Variants in MAP3K14 observed in about 807,000 individuals in gnomAD.
MAP3K14 encodes NF-kappa-beta-inducing kinase.
In MAP3K14, 16 loss-of-function variants were observed where a neutral mutation model predicts 99.2. The observed-to-expected ratio is 0.16, with a 90% CI of 0.11 to 0.24. The LOEUF is 0.24. Among genes scored for constraint, MAP3K14 ranks in the 10% least tolerant of loss-of-function variants. The probability of loss-of-function intolerance (pLI) is 1.00; values close to 1 mark genes in which losing one functional copy is unlikely to be tolerated. For missense variants in MAP3K14, 784 were observed against 1,208.7 expected, an observed-to-expected ratio of 0.65 and a Z score of 5.21; for synonymous variants, 462 against 492.4, an observed-to-expected ratio of 0.94 and a Z score of 0.82.
intron 14 of MAP3K14, among the ~76,000 whole-genome samples, chr17:45,265,645 C>T (rs922797762): frequency 1.3e-5 from 2 of 152,252 alleles, no homozygotes; most frequent in East Asian, 3.9e-4. Flanking sequence ...ACCATGTTGG[C>T]CAGGCTGGTC....
intron 1 of MAP3K14, among the ~76,000 whole-genome samples, chr17:45,295,250 G>A (rs913873594): frequency 2.0e-5 from 3 of 151,540 alleles, no homozygotes; most frequent in Admixed American, 6.6e-5. Flanking sequence ...AAGAGCAGTG[G>A]GACCATTTTT....
intron 15 of MAP3K14, 63 bp from the exon 16 acceptor site, chr17:45,264,863 TAA>T: frequency 6.5e-7 from 1 of 1,539,152 alleles, no homozygotes; most frequent in Non-Finnish European, 8.8e-7. Flanking sequence ...TGTAGAAAGG[TAA>T]AGACATCTCC....
chr17:45,299,456 G>A (rs1334227968), intron 1 of MAP3K14, among the ~76,000 whole-genome samples: 1 of 152,126 alleles, frequency 6.6e-6, no homozygotes, highest in Non-Finnish European at 1.5e-5. Context: ...ACCCTGGCCT[G>A]GGCTAACAAT....
chr17:45,273,766 G>C, intron 8 of MAP3K14, 159 bp from the exon 9 acceptor site: 1 of 702,174 alleles, frequency 1.4e-6, no homozygotes, highest in Non-Finnish European at 2.6e-6. Flanking sequence ...TGGAGGAAGG[G>C]AGGAGGGTAT....
chr17:45,265,722 GCCA>G (rs1158257016), intron 14 of MAP3K14, among the ~76,000 whole-genome samples: 1 of 152,068 alleles, frequency 6.6e-6, no homozygotes, highest in African/African-American at 2.4e-5. Flanking sequence ...ACAGGTGTGG[GCCA>G]CCACACCTGG....
intron 1 of MAP3K14, among the ~76,000 whole-genome samples, chr17:45,309,264 G>A (rs1039049713): frequency 6.6e-6 from 1 of 152,228 alleles, no homozygotes; most frequent in Non-Finnish European, 1.5e-5. Flanking sequence ...AAATACCAAG[G>A]TGTTCCCACC....
At chr17:45,299,849 G>A (rs936474226) in intron 1 of MAP3K14, among the ~76,000 whole-genome samples, 4 of 152,150 alleles carry the variant, frequency 2.6e-5, no homozygotes, top group Admixed American at 2.6e-4. Flanking sequence ...CAGCACTTTC[G>A]GAGGCCGAGG....
intron 6 of MAP3K14, among the ~76,000 whole-genome samples, chr17:45,275,988 C>A (rs1306819182): frequency 6.6e-6 from 1 of 152,066 alleles, no homozygotes; most frequent in African/African-American, 2.4e-5. Flanking sequence ...GTCTCAAACT[C>A]CTAACCTTGT....
At chr17:45,276,083 G>T (rs1168479602) in intron 6 of MAP3K14, among the ~76,000 whole-genome samples, 1 of 151,892 alleles carries the variant, frequency 6.6e-6, no homozygotes, top group African/African-American at 2.4e-5. Flanking sequence ...TTTCCCGGAG[G>T]ACTAAAACAT....
intron 11 of MAP3K14, chr17:45,268,202 C>T (rs909181869): frequency 1.9e-5 from 3 of 161,760 alleles, no homozygotes; most frequent in African/African-American, 7.2e-5. Flanking sequence ...TGGCATGGGG[C>T]TAGTTCAGCC....
In MAP3K14 at chr17:45,272,661, C is replaced by T. The variant is rs1046612504; in HGVS notation, c.1657+842G>A. Among the ~76,000 whole-genome samples the T allele has an allele frequency of 2.0e-5, 3 of 152,084 alleles. No individual in the cohort carries two copies. Among genetic ancestry groups the T allele is most frequent in the East Asian group, 1.9e-4 (1 of 5,178 alleles). On this transcript the variant is annotated intron_variant, in intron 9 of 15. Transcript: ENST00000344686. The surrounding 1 kb of genome is among the most constrained non-coding windows in gnomAD (Gnocchi z 4.1). ...TTATTTAAAATATTCATGATTCGGC[C>T]GGGCACGGAGGCTCATGCCTGTAAT...
At chr17:45,312,941 C>G (rs1259323117) in intron 1 of MAP3K14, among the ~76,000 whole-genome samples, 1 of 152,192 alleles carries the variant, frequency 6.6e-6, no homozygotes, top group Non-Finnish European at 1.5e-5. Flanking sequence ...TCCCTTTCCT[C>G]ACCTCCAGGA....
At chr17:45,315,618 C>A (rs768001608) in intron 1 of MAP3K14, among the ~76,000 whole-genome samples, 1 of 152,178 alleles carries the variant, frequency 6.6e-6, no homozygotes, top group Non-Finnish European at 1.5e-5. Context: ...TGTCCTCTCA[C>A]ATTAAGAGCA....
At chr17:45,275,294 CCT>C (rs2044170821) in intron 6 of MAP3K14, among the ~76,000 whole-genome samples, 1 of 151,582 alleles carries the variant, frequency 6.6e-6, no homozygotes, top group East Asian at 1.9e-4. Context: ...ATGGCGAAAC[CCT>C]GTCTCTACTA....
intron 6 of MAP3K14, among the ~76,000 whole-genome samples, chr17:45,276,819 A>ACTT (rs1293112894): frequency 2.3e-5 from 2 of 85,304 alleles, no homozygotes; most frequent in South Asian, 3.6e-4. Context: ...GGCCTCTTAG[A>ACTT]CTTCTTTTTT....
intron 1 of MAP3K14, among the ~76,000 whole-genome samples, chr17:45,304,842 A>G (rs2044418777): frequency 6.6e-6 from 1 of 152,178 alleles, no homozygotes; most frequent in African/African-American, 2.4e-5. Flanking sequence ...CTGGTGTGTG[A>G]CCATGGGCAG....
chr17:45,271,027 C>T, intron 10 of MAP3K14, 31 bp downstream of exon 10: 6 of 1,604,484 alleles, frequency 3.7e-6, no homozygotes, highest in Non-Finnish European at 5.1e-6. Context: ...TGCAGCTCCC[C>T]CTGTTGGCCA....
chr17:45,266,416 C>G (rs904445379), intron 14 of MAP3K14, 121 bp downstream of exon 14: 88 of 1,321,680 alleles, frequency 6.7e-5, no homozygotes, highest in Non-Finnish European at 8.5e-5. Context: ...GTTCTGGGAC[C>G]AGGCGCCTTC....
intron 6 of MAP3K14, among the ~76,000 whole-genome samples, chr17:45,276,413 G>A (rs1168219054): frequency 1.3e-5 from 2 of 152,210 alleles, no homozygotes; most frequent in Admixed American, 6.5e-5. Context: ...TTGGAAGGAT[G>A]GTAACTGACA....
Sources: allele counts gnomAD v4.1 joint callset (sites outside exome capture counted in the v4.1 genomes callset), GRCh38; gene constraint gnomAD v4.1.1; non-coding constraint Gnocchi (gnomAD v3.1); transcripts MANE v1.5; gene names NCBI Gene and HGNC (gene_info 2026-07-23, HGNC 2026-07-21).